The following RYR3 variants were observed in gnomAD, a reference collection of about 807,000 sequenced individuals.
RYR3 encodes brain ryanodine receptor-calcium release channel.
In RYR3, 207 loss-of-function variants were observed where a neutral mutation model predicts 584.3. The ratio of observed to expected loss-of-function variants is 0.35; its 90% CI spans 0.32 to 0.40. The LOEUF (loss-of-function observed/expected upper bound fraction) is 0.40, where lower values mean the gene tolerates loss of function less well. RYR3 is among the 10% of genes least tolerant of loss of function. The pLI, the probability that RYR3 is intolerant of heterozygous loss-of-function variation, is 1.00. For synonymous variants in RYR3, 2,416 were observed against 2,248.5 expected (o/e 1.07, Z -2.11); for missense variants, 5,616 against 6,089.2 (o/e 0.92, Z 2.59).
chr15:33,340,884 T>C (rs1443215520), intron 1 of RYR3, among the ~76,000 whole-genome samples: 1 of 152,190 alleles, frequency 6.6e-6, no homozygotes, highest in Non-Finnish European at 1.5e-5. Context: ...AAGTGACTTT[T>C]CCTGTACTCC....
At chr15:33,487,632 G>T (rs1308722998) in intron 2 of RYR3, among the ~76,000 whole-genome samples, 3 of 152,152 alleles carry the variant, frequency 2.0e-5, no homozygotes, top group Admixed American at 2.0e-4. Context: ...CTGTGGTGAG[G>T]TTCTATGGGG....
chr15:33,424,595 T>C (rs994848578), intron 1 of RYR3, among the ~76,000 whole-genome samples: 9 of 152,178 alleles, frequency 5.9e-5, no homozygotes, highest in Admixed American at 1.3e-4. Flanking sequence ...ATCTGCCTGA[T>C]TGAGCCACAT....
At chr15:33,449,578 A>G (rs534645676) in intron 1 of RYR3, among the ~76,000 whole-genome samples, 1 of 152,270 alleles carries the variant, frequency 6.6e-6, no homozygotes, top group East Asian at 1.9e-4. Flanking sequence ...TATTATAGAA[A>G]TACATTTGTT....
chr15:33,863,028 G>GGTA, intron 102 of RYR3, among the ~76,000 whole-genome samples: 1 of 152,282 alleles, frequency 6.6e-6, no homozygotes, highest in East Asian at 1.9e-4. Flanking sequence ...TGAGCCCATG[G>GGTA]CCACGTGTCT....
chr15:33,658,342 C>T (rs574974863), intron 32 of RYR3, among the ~76,000 whole-genome samples: 36 of 152,328 alleles, frequency 2.4e-4, no homozygotes, highest in African/African-American at 7.9e-4. Context: ...TTCCTTGTTC[C>T]GTGGCCCTCT....
chr15:33,636,334 T>C (rs2061498639), intron 26 of RYR3, 42 bp from the exon 27 acceptor site: 2 of 1,581,072 alleles, frequency 1.3e-6, no homozygotes, highest in Middle Eastern at 1.7e-4. Flanking sequence ...CTGGGGCCTC[T>C]AGAGACTCCA....
chr15:33,445,664 A>AACACACACACACACACAC lies in RYR3; in HGVS notation c.52-27722_52-27705dup, dbSNP rs61585713. ...AATAAATACCACCCTTTCCCCCACC[A>AACACACACACACACACAC]ACACACACACACACACACACACACA... On this transcript the variant is annotated intron_variant, in intron 1 of 103. Transcript: ENST00000634891. Among the ~76,000 whole-genome samples the AACACACACACACACACAC allele has an allele frequency of 6.5e-4, 69 of 106,040 alleles. 1 individual carries two copies. The highest frequency in any genetic ancestry group is 6.0e-3 in the Middle Eastern group (1 of 168). 69.6% of individuals were successfully genotyped at this position (106,040 alleles called of 152,430 possible).
chr15:33,616,511 G>A (rs1438666546), intron 19 of RYR3, among the ~76,000 whole-genome samples: 1 of 152,196 alleles, frequency 6.6e-6, no homozygotes, highest in African/African-American at 2.4e-5. Flanking sequence ...AGCCTTCTGA[G>A]TGCACAGATA....
At chr15:33,547,384 A>G (rs1249054690) in intron 8 of RYR3, among the ~76,000 whole-genome samples, 1 of 152,218 alleles carries the variant, frequency 6.6e-6, no homozygotes, top group Non-Finnish European at 1.5e-5. Context: ...GTGAAATTCA[A>G]ATAAAGTCTT....
Position 33,772,000 on chromosome 15 carries a change from A to G in RYR3, c.8897A>G (p.Lys2966Arg). The G allele has an allele frequency of 1.9e-6, 3 of 1,613,742 alleles. No homozygotes were observed. The highest frequency in any genetic ancestry group is 2.5e-6 in the Non-Finnish European group (3 of 1,179,798). Residue 2966 changes from lysine to arginine, a missense_variant, in exon 63 of 104, where the codon AAG becomes AGG. Coordinates refer to ENST00000634891, the MANE Select transcript of RYR3 (RefSeq NM_001036.6). ...FFENAAEDLEKTSENLKLGKF... is the reference protein window; with the variant it reads ...FFENAAEDLERTSENLKLGKF... ...GAAAATGCTGCAGAAGATTTGGAGA[A>G]GACTTCAGAAAACCTGAAACTTGGG...
intron 43 of RYR3, among the ~76,000 whole-genome samples, chr15:33,707,399 A>C (rs1303437556): frequency 6.6e-6 from 1 of 152,306 alleles, no homozygotes; most frequent in Admixed American, 6.5e-5. Flanking sequence ...CTAAATGCAC[A>C]TGTACATCTA....
intron 12 of RYR3, among the ~76,000 whole-genome samples, chr15:33,575,580 C>T (rs765020503): frequency 1.3e-5 from 2 of 152,170 alleles, no homozygotes; most frequent in Middle Eastern, 6.8e-3. Flanking sequence ...AACAAAGAGA[C>T]AATGTACCAG....
intron 3 of RYR3, among the ~76,000 whole-genome samples, chr15:33,520,507 A>G (rs1245124965): frequency 2.0e-5 from 3 of 152,166 alleles, no homozygotes; most frequent in Non-Finnish European, 2.9e-5. Flanking sequence ...CTAGAAAACA[A>G]ATTTGGCTGA....
intron 1 of RYR3, among the ~76,000 whole-genome samples, chr15:33,312,686 ATCT>A (rs148318476): frequency 0.043 from 6,537 of 152,088 alleles, 171 homozygotes; most frequent in African/African-American, 0.077. Flanking sequence ...ATTATTAATG[ATCT>A]TCTAGGCGTT....
rs866485772 is a variant in RYR3, at chr15:33,749,893, G to A, written c.8200-86G>A. 3.3e-5 allele frequency: 38 copies of A among 1,162,154 alleles called. No individual in the cohort carries two copies. The Middle Eastern group carries it at 1.1e-3, about 34-fold the overall frequency. 72.0% of individuals were successfully genotyped at this position (1,162,154 alleles called of 1,614,324 possible). A position where few individuals can be genotyped will look rare whatever the true frequency, so the allele number is the denominator to read the frequency against. ...TAGTGTTCAGTGGTGTGCTTTTCCC[G>A]AGGCTGCCTGAAATGACCTAGCAGC... On this transcript the variant is annotated intron_variant, in intron 55 of 103. Coordinates refer to ENST00000634891, the MANE Select transcript of RYR3 (RefSeq NM_001036.6).
At chr15:33,790,805 A>C (rs1187879146) in intron 67 of RYR3, among the ~76,000 whole-genome samples, 1 of 152,200 alleles carries the variant, frequency 6.6e-6, no homozygotes, top group Non-Finnish European at 1.5e-5. Flanking sequence ...GTCAGGTAGA[A>C]GAAGAGGAAC....
chr15:33,529,630 G>T (rs2054682444), intron 3 of RYR3, among the ~76,000 whole-genome samples: 1 of 152,082 alleles, frequency 6.6e-6, no homozygotes, highest in Non-Finnish European at 1.5e-5. Flanking sequence ...TTTGGGGAGG[G>T]GAGGGCTTAT....
At chr15:33,447,671 A>G (rs1288320555) in intron 1 of RYR3, among the ~76,000 whole-genome samples, 19 of 152,196 alleles carry the variant, frequency 1.2e-4, no homozygotes, top group Admixed American at 1.2e-3. Flanking sequence ...GCAAAGTTAA[A>G]TTAAATAAAA....
intron 1 of RYR3, among the ~76,000 whole-genome samples, chr15:33,404,586 TGTG>T (rs1472931503): frequency 3.4e-5 from 4 of 117,266 alleles, no homozygotes; most frequent in Admixed American, 8.0e-5. Context: ...TTTACTACTG[TGTG>T]TTTTTTTTTT....
Sources: allele counts gnomAD v4.1 joint callset (sites outside exome capture counted in the v4.1 genomes callset), GRCh38; gene constraint gnomAD v4.1.1; transcripts MANE v1.5; gene names NCBI Gene and HGNC (gene_info 2026-07-23, HGNC 2026-07-21).